The following VPS53 variants were observed in gnomAD, a reference collection of about 807,000 sequenced individuals.
VPS53 encodes VPS53 subunit of GARP complex, also known as vacuolar protein sorting-associated protein 53 homolog.
In VPS53, 70 loss-of-function variants were observed where a neutral mutation model predicts 107.0. The ratio of observed to expected loss-of-function variants is 0.65; its 90% CI spans 0.54 to 0.80. The LOEUF is 0.80. Ranked by LOEUF, VPS53 falls within the 30% of genes least tolerant of loss-of-function variation. VPS53 has a pLI of 0.00. For synonymous variants in VPS53, 409 were observed against 393.3 expected, an observed-to-expected ratio of 1.04 and a Z score of -0.47; for missense variants, 917 against 1,049.4, an observed-to-expected ratio of 0.87 and a Z score of 1.74.
Position 509,321 on chromosome 17 carries a change from C to T in VPS53, c.*9807G>A, listed in dbSNP as rs887945544. The T allele has an allele frequency of 1.6e-4, 25 of 153,692 alleles. No individual in the cohort carries two copies. The highest frequency in any genetic ancestry group is 3.5e-3 in the Middle Eastern group (1 of 284). 9.5% of individuals were successfully genotyped at this position (153,692 alleles called of 1,614,324 possible). A position where few individuals can be genotyped will look rare whatever the true frequency, so the allele number is the denominator to read the frequency against. ...GGCTGACCCCTCACTAGGTACATATCGAATCCTGGCTCACCCCTCACTAGT... is the reference window on the plus strand; with the variant it reads ...GGCTGACCCCTCACTAGGTACATATTGAATCCTGGCTCACCCCTCACTAGT... On this transcript the variant is annotated 3_prime_UTR_variant, in exon 22 of 22. Transcript: ENST00000437048.
At chr17:678,830 G>A (rs978397348) in intron 4 of VPS53, among the ~76,000 whole-genome samples, 7 of 151,886 alleles carry the variant, frequency 4.6e-5, no homozygotes, top group African/African-American at 1.2e-4. Flanking sequence ...TAGTAGAGAC[G>A]GGGTTTCACC....
intron 2 of VPS53, 133 bp from the exon 3 acceptor site, chr17:699,513 T>TA (rs542350655): frequency 0.055 from 24,506 of 444,222 alleles, 4 homozygotes; most frequent in East Asian, 0.076. Context: ...AGTTTTGCTT[T>TA]AAAAAAAAAA....
At position 586,271 on chromosome 17, in the gene VPS53, T is replaced by G. The variant is rs367609690; in HGVS notation, c.1312A>C (p.Lys438Gln). ...HLYVYIESQD[K>Q]NLGELIDRFV... is the part of the protein sequence containing the mutation. ...AAACAGCGAATGTTCCTCACTCACT[T>G]GTCTTGGGATTCGATATACACGTAG... The change falls in exon 13 of 22, where the codon AAG (lysine) becomes CAG (glutamine). Residue 438 changes from lysine to glutamine, a missense_variant and splice_region_variant. By Grantham distance (53) the Lys-to-Gln change is moderately conservative. Transcript: ENST00000437048. The G allele has an allele frequency of 8.1e-6, 13 of 1,613,676 alleles. No individual in the cohort carries two copies. The highest frequency in any genetic ancestry group is 1.1e-5 in the Non-Finnish European group (13 of 1,179,620).
Position 511,568 on chromosome 17 carries a change from C to T in VPS53, c.*7560G>A, listed in dbSNP as rs1384659245. 6.6e-6 allele frequency: 1 copy of T among 152,136 alleles called. No homozygotes were observed. Among genetic ancestry groups the T allele is most frequent in the Non-Finnish European group, 1.5e-5 (1 of 68,036 alleles). 9.4% of individuals were successfully genotyped at this position (152,136 alleles called of 1,614,324 possible). A position where few individuals can be genotyped will look rare whatever the true frequency, so the allele number is the denominator to read the frequency against. The stretch of plus-strand genomic sequence containing the variant: ...AGTCAACACCCTCAAAGGGGACAGA[C>T]AGAAACAGAAAGGAACTTTTGGGCT... On this transcript the variant is annotated 3_prime_UTR_variant, in exon 22 of 22. Transcript: ENST00000437048.
At chr17:698,703 G>GA (rs202214746) in intron 3 of VPS53, among the ~76,000 whole-genome samples, 1,431 of 136,016 alleles carry the variant, frequency 0.011, 10 homozygotes, top group Non-Finnish European at 0.018. Context: ...ACCTTGTTTT[G>GA]AAAAAAAAAC....
chr17:524,070 G>A lies in VPS53; in HGVS notation c.2086-2332C>T, dbSNP rs934782898. 3.9e-5 allele frequency among the ~76,000 whole-genome samples: 6 copies of A among 152,008 alleles called. No individual in the cohort carries two copies. The East Asian group carries it at 5.8e-4, about 15-fold the overall frequency. On this transcript the variant is annotated intron_variant, in intron 19 of 21. Coordinates refer to ENST00000437048, the MANE Select transcript of VPS53 (RefSeq NM_001128159.3). This position sits in a 1 kb window ranked among gnomAD's most constrained non-coding sequence, Gnocchi z 4.5. ...TCCCAGCATTTTGGGAGGCCGAGGC[G>A]GGTGGATCATCTGAGGTCAGGAGTT...
At chr17:690,800 G>A (rs1246642431) in intron 4 of VPS53, among the ~76,000 whole-genome samples, 1 of 151,488 alleles carries the variant, frequency 6.6e-6, no homozygotes, top group Non-Finnish European at 1.5e-5. Flanking sequence ...CAAATCCAAG[G>A]TAATGGAAGA....
intron 18 of VPS53, among the ~76,000 whole-genome samples, chr17:535,596 C>T (rs765126133): frequency 6.6e-6 from 1 of 152,186 alleles, no homozygotes; most frequent in African/African-American, 2.4e-5. Context: ...AATGAGACCC[C>T]GGAGCAGCCA....
intron 13 of VPS53, among the ~76,000 whole-genome samples, chr17:562,949 A>C (rs1346474864): frequency 1.3e-5 from 2 of 152,130 alleles, no homozygotes; most frequent in East Asian, 3.9e-4. Context: ...CTGACATATG[A>C]GATTCTAATC....
At chr17:685,694 T>C (rs1354017094) in intron 4 of VPS53, among the ~76,000 whole-genome samples, 1 of 152,128 alleles carries the variant, frequency 6.6e-6, no homozygotes, top group Admixed American at 6.5e-5. Flanking sequence ...TTAAGAAGCA[T>C]GTGTATGATT....
In VPS53 at chr17:617,446, G is replaced by A. The variant is rs570057354; in HGVS notation, c.1116+6087C>T. Among the ~76,000 whole-genome samples, 3 of 152,346 alleles carry A rather than the reference G, an allele frequency of 2.0e-5. No homozygotes were observed. In the East Asian group the frequency reaches 5.8e-4, roughly 29 times the overall value. On this transcript the variant is annotated intron_variant, in intron 11 of 21. Coordinates refer to ENST00000437048, the MANE Select transcript of VPS53 (RefSeq NM_001128159.3). ...TGAGACAGTCTCACTTTGTCACCCA[G>A]ACTGGAGTGCAGTGGTGCAATCTCA...
chr17:663,502 C>T (rs956807775), intron 4 of VPS53, among the ~76,000 whole-genome samples: 1 of 151,816 alleles, frequency 6.6e-6, no homozygotes, highest in Non-Finnish European at 1.5e-5. Flanking sequence ...CTGGACCATC[C>T]GTGAGTAAAG....
chr17:692,072 C>A (rs903217180), intron 4 of VPS53, among the ~76,000 whole-genome samples: 1 of 152,154 alleles, frequency 6.6e-6, no homozygotes, highest in Non-Finnish European at 1.5e-5. Flanking sequence ...TGCAGCCAGG[C>A]TCCATTGAAG....
intron 12 of VPS53, among the ~76,000 whole-genome samples, chr17:595,679 GC>G (rs869282595): frequency 1.5e-5 from 2 of 131,260 alleles, no homozygotes; most frequent in African/African-American, 5.9e-5. Flanking sequence ...GCACTCTAGT[GC>G]CCCCCCTGGA....
At position 519,334 on chromosome 17, in the gene VPS53, C is replaced by A; in HGVS notation, c.2329-36G>T. On this transcript the variant is annotated intron_variant, in intron 21 of 21. Transcript: ENST00000437048. The surrounding 1 kb of genome is among the most constrained non-coding windows in gnomAD (Gnocchi z 5.0). ...GAGAGAAACAGAACCGTCACGAAGT[C>A]TGGGCCAGAATGGCCCACGGGGGAC... 6.9e-7 allele frequency: 1 copy of A among 1,449,564 alleles called. No individual in the cohort carries two copies. The highest frequency in any genetic ancestry group is 1.5e-5 in the South Asian group (1 of 67,706). 89.8% of individuals were successfully genotyped at this position (1,449,564 alleles called of 1,614,324 possible). A position where few individuals can be genotyped will look rare whatever the true frequency, so the allele number is the denominator to read the frequency against.
chr17:534,933 A>AC (rs1222223797), intron 18 of VPS53, among the ~76,000 whole-genome samples: 114 of 151,246 alleles, frequency 7.5e-4, no homozygotes, highest in Middle Eastern at 6.9e-3. Context: ...AAAAAAAAAA[A>AC]ACCTTTGGCT....
rs34123743 is a variant in VPS53, at chr17:656,700, A to ATGTGTGTGTGTGTGTGTGTGTGTGTGTG, written c.373-775_373-748dup. ...TTTCTTGGTCCATGCTGACTAAGAA[A>ATGTGTGTGTGTGTGTGTGTGTGTGTGTG]TGTGTGTGTGTGTGTGTGTGTGTGT... is the stretch of plus-strand genomic sequence containing the variant. On this transcript the variant is annotated intron_variant, in intron 5 of 21. Transcript: ENST00000437048. 96 of 554,652 alleles carry ATGTGTGTGTGTGTGTGTGTGTGTGTGTG rather than the reference A, an allele frequency of 1.7e-4. No individual in the cohort carries two copies. The African/African-American group carries it at 1.7e-3, about 10-fold the overall frequency. 34.4% of individuals were successfully genotyped at this position (554,652 alleles called of 1,614,324 possible).
rs147811266 is a variant in VPS53 at position 615,743 on chromosome 17, T to C, written c.1116+7790A>G. ...GCCAAAAAGGAGTTTCCAAAGAGTGTATCCTGAAAGGAAGGTAGCATGGGG... is the reference window on the plus strand; with the variant it reads ...GCCAAAAAGGAGTTTCCAAAGAGTGCATCCTGAAAGGAAGGTAGCATGGGG... On this transcript the variant is annotated intron_variant, in intron 11 of 21. Transcript: ENST00000437048. Among the ~76,000 whole-genome samples the C allele has an allele frequency of 4.9e-3, 745 of 152,306 alleles. 6 individuals are homozygous for C. The highest frequency in any genetic ancestry group is 0.014 in the Middle Eastern group (4 of 294).
At chr17:588,248 G>A (rs1341356622) in intron 12 of VPS53, among the ~76,000 whole-genome samples, 4 of 152,164 alleles carry the variant, frequency 2.6e-5, no homozygotes, top group African/African-American at 9.7e-5. Flanking sequence ...AACCCAGGAG[G>A]TGGAGATGGC....
Sources: allele counts gnomAD v4.1 joint callset (sites outside exome capture counted in the v4.1 genomes callset), GRCh38; gene constraint gnomAD v4.1.1; non-coding constraint Gnocchi (gnomAD v3.1); transcripts MANE v1.5; gene names NCBI Gene and HGNC (gene_info 2026-07-23, HGNC 2026-07-21).